TSPEAR: variants seen among roughly 807,000 people sequenced by gnomAD.
The protein encoded by TSPEAR is thrombospondin type laminin G domain and EAR repeats, also known as thrombospondin-type laminin G domain and EAR repeat-containing protein.
TSPEAR carries 69 observed loss-of-function variants against 71.6 expected under a neutral mutation model. The observed-to-expected ratio is 0.96, with a 90% confidence interval of 0.79 to 1.18. The LOEUF is 1.18. TSPEAR is among the 50% of genes most tolerant of loss of function. The pLI is 0.00. For synonymous variants in TSPEAR, 402 were observed against 387.2 expected, an observed-to-expected ratio of 1.04 and a Z score of -0.45; for missense variants, 971 against 894.9, an observed-to-expected ratio of 1.09 and a Z score of -1.09.
chr21:44,523,512 C>T (rs1185713186), intron 8 of TSPEAR, among the ~76,000 whole-genome samples: 3 of 150,560 alleles, frequency 2.0e-5, no homozygotes, highest in African/African-American at 7.3e-5. Flanking sequence ...GGCAGTCAGT[C>T]GTCAGTCAGT....
At chr21:44,599,041 T>A (rs587667144) in intron 1 of TSPEAR, among the ~76,000 whole-genome samples, 165 of 152,292 alleles carry the variant, frequency 1.1e-3, no homozygotes, top group Non-Finnish European at 1.3e-3. Context: ...GAATCATTTT[T>A]AAAACATTTT....
At chr21:44,508,756 C>A in intron 10 of TSPEAR, 1 of 1,275,088 alleles carries the variant, frequency 7.8e-7, no homozygotes, top group Non-Finnish European at 1.0e-6. Context: ...TGTTTGTTGT[C>A]GGGGAGGATG....
intron 6 of TSPEAR, 96 bp downstream of exon 6, chr21:44,528,355 AG>A (rs1315617774): frequency 1.1e-5 from 17 of 1,537,180 alleles, no homozygotes; most frequent in African/African-American, 1.4e-5. Context: ...GGTCATTCAG[AG>A]GTGGCTGAGG....
intron 11 of TSPEAR, among the ~76,000 whole-genome samples, chr21:44,502,959 G>A (rs1320846092): frequency 1.4e-5 from 1 of 69,638 alleles, no homozygotes; most frequent in African/African-American, 4.0e-5. Flanking sequence ...CAAGGCTCTG[G>A]GAGGAAGCTG....
chr21:44,574,441 G>A, intron 1 of TSPEAR: 1 of 1,602,012 alleles, frequency 6.2e-7, no homozygotes, highest in East Asian at 2.3e-5. Context: ...CAGCAGGCCT[G>A]CTGCGTGCCC....
chr21:44,583,506 G>GT (rs1471985825), intron 1 of TSPEAR, among the ~76,000 whole-genome samples: 1 of 152,132 alleles, frequency 6.6e-6, no homozygotes, highest in African/African-American at 2.4e-5. Context: ...TGCATGCAGT[G>GT]TTTTTTCACT....
intron 1 of TSPEAR, among the ~76,000 whole-genome samples, chr21:44,608,497 G>A (rs1981454307): frequency 6.6e-6 from 1 of 152,210 alleles, no homozygotes; most frequent in African/African-American, 2.4e-5. Flanking sequence ...AACGTTCACT[G>A]ACACACTGCA....
chr21:44,700,486 T>A (rs1013477053), intron 1 of TSPEAR, among the ~76,000 whole-genome samples: 2 of 152,118 alleles, frequency 1.3e-5, no homozygotes, highest in Admixed American at 6.5e-5. Flanking sequence ...AGAACCCCCC[T>A]TGCCAACCAA....
At chr21:44,504,948 G>A in intron 10 of TSPEAR, 67 bp from the exon 11 acceptor site, 1 of 1,311,566 alleles carries the variant, frequency 7.6e-7, no homozygotes, top group Non-Finnish European at 1.1e-6. Context: ...GGATTGGCCA[G>A]AAGCTACCTC....
At chr21:44,591,265 C>T (rs770740308) in intron 1 of TSPEAR, 8 of 1,470,472 alleles carry the variant, frequency 5.4e-6, no homozygotes, top group Non-Finnish European at 7.2e-6. Flanking sequence ...GCATCCTGGT[C>T]CCTAAGACAA....
intron 1 of TSPEAR, among the ~76,000 whole-genome samples, chr21:44,569,790 C>G (rs1417404598): frequency 1.3e-5 from 2 of 151,808 alleles, no homozygotes; most frequent in South Asian, 4.1e-4. Flanking sequence ...AGGGACCACC[C>G]CCGATGGAGG....
rs782600171 is a variant in TSPEAR, at chr21:44,627,333, C to T, written c.83-59328G>A. The T allele has an allele frequency of 4.3e-6, 7 of 1,613,178 alleles. No individual in the cohort carries two copies. The Admixed American group carries it at 6.7e-5, about 15-fold the overall frequency. ...TCTGCACCCCAGTGAGCCGTGTATCCAGCCCCTGCTGCCAGGTGACCTGTG... is the reference window on the plus strand; with the variant it reads ...TCTGCACCCCAGTGAGCCGTGTATCTAGCCCCTGCTGCCAGGTGACCTGTG... On this transcript the variant is annotated intron_variant, in intron 1 of 11. Transcript: ENST00000323084.
intron 9 of TSPEAR, among the ~76,000 whole-genome samples, chr21:44,513,344 C>T (rs1169349974): frequency 1.3e-5 from 2 of 152,062 alleles, no homozygotes; most frequent in Non-Finnish European, 2.9e-5. Flanking sequence ...CCAACCCAGG[C>T]AGAGGGTGTG....
intron 10 of TSPEAR, among the ~76,000 whole-genome samples, chr21:44,507,292 A>G (rs1555912036): frequency 6.6e-6 from 1 of 152,194 alleles, no homozygotes; most frequent in Admixed American, 6.5e-5. Context: ...TGTGGATTTA[A>G]TAGAACTACT....
chr21:44,503,742 A>AAGTT (rs1464985075), intron 11 of TSPEAR, among the ~76,000 whole-genome samples: 2 of 112,968 alleles, frequency 1.8e-5, no homozygotes, highest in Admixed American at 8.8e-5. Flanking sequence ...CTCTGGGAGG[A>AAGTT]GGCCGGAGTT....
chr21:44,512,635 T>C (rs1423625230), intron 9 of TSPEAR, among the ~76,000 whole-genome samples: 3 of 152,110 alleles, frequency 2.0e-5, no homozygotes, highest in African/African-American at 7.2e-5. Flanking sequence ...GGCAGTCTGG[T>C]CTGGTGGGAC....
chr21:44,568,557 T>A (rs2053738171), intron 1 of TSPEAR, among the ~76,000 whole-genome samples: 1 of 151,978 alleles, frequency 6.6e-6, no homozygotes, highest in African/African-American at 2.4e-5. Flanking sequence ...CTGGGGAACC[T>A]GGGATTCAAA....
At chr21:44,669,757 T>G (rs1555945536) in intron 1 of TSPEAR, among the ~76,000 whole-genome samples, 1 of 152,188 alleles carries the variant, frequency 6.6e-6, no homozygotes, top group African/African-American at 2.4e-5. Context: ...GGGATGAACA[T>G]CCGGATGCCC....
At chr21:44,591,438 G>T (rs782815137) in intron 1 of TSPEAR, 49 of 1,613,710 alleles carry the variant, frequency 3.0e-5, no homozygotes, top group Non-Finnish European at 4.2e-5. Context: ...CAGGGCGGGA[G>T]CACATGGGGC....
Sources: gnomAD v4.1 joint callset for allele counts (sites outside exome capture counted in the v4.1 genomes callset) on GRCh38, gnomAD v4.1.1 for gene constraint, MANE v1.5 for transcripts, NCBI Gene and HGNC (gene_info 2026-07-23, HGNC 2026-07-21) for gene names.